BECN2: variants seen among roughly 807,000 people sequenced by gnomAD.
The protein encoded by BECN2 is beclin-2.
For missense variants in BECN2, 428 were observed against 507.9 expected (o/e 0.84, Z 1.51); for synonymous variants, 173 against 220.1 (o/e 0.79, Z 1.90).
rs1378643680 is a variant in BECN2, at chr1:241,958,989, C to A, written c.1223C>A (p.Thr408Lys). 3 of 1,231,718 alleles carry A rather than the reference C, an allele frequency of 2.4e-6. No individual in the cohort carries two copies. The African/African-American group carries it at 4.7e-5, about 19-fold the overall frequency. 76.3% of individuals were successfully genotyped at this position (1,231,718 alleles called of 1,614,324 possible). A position where few individuals can be genotyped will look rare whatever the true frequency, so the allele number is the denominator to read the frequency against. Residue 408 changes from threonine (T) to lysine (K), a missense_variant, in exon 1 of 1, where the codon ACA becomes AAA. Physicochemically the swap from Thr to Lys is moderately conservative, Grantham distance 78. Transcript: ENST00000419583. ...CATCTGAACACGCAGGAGCTGTGGA[C>A]AAAGGCACTCAAGTTCATGCTTATA... is the stretch of plus-strand genomic sequence containing the variant. ...RTHLNTQELW[T>K]KALKFMLINF...
Position 241,958,393 on chromosome 1 carries a change from G to A in BECN2, c.627G>A (p.Arg209=). Residue 209 remains arginine, a synonymous_variant, in exon 1 of 1, where the codon AGG becomes AGA. Coordinates refer to ENST00000419583, the MANE Select transcript of BECN2 (RefSeq NM_001290693.1). ...AEAAELDQQE[R]QHYRDYSALK... ...CTGCGGAGCTGGACCAGCAGGAGAG[G>A]CAGCACTACAGGGACTACAGTGCCT... The A allele has an allele frequency of 8.1e-7, 1 of 1,232,752 alleles. No homozygotes were observed. The highest frequency in any genetic ancestry group is 3.2e-5 in the East Asian group (1 of 31,734). The allele number at this position is 1,232,752 out of a possible 1,614,324, so 76.4% of individuals were successfully genotyped here.
Position 241,958,080 on chromosome 1 carries a change from A to C in BECN2, c.314A>C (p.Asp105Ala). The change falls in exon 1 of 1, where the codon GAC (aspartate) becomes GCC (alanine). Residue 105 changes from aspartate (D) to alanine (A), a missense_variant. Coordinates refer to ENST00000419583, the MANE Select transcript of BECN2 (RefSeq NM_001290693.1). The stretch of plus-strand genomic sequence containing the variant: ...CAGAAGGCAGCTGGTGACATTTTTG[A>C]CATAGTCTCTGGCCAAGCAGTTGTG... The part of the protein sequence containing the change: ...SIQKAAGDIF[D>A]IVSGQAVVDH... 8.1e-7 allele frequency: 1 copy of C among 1,232,006 alleles called. No individual in the cohort carries two copies. The highest frequency in any genetic ancestry group is 1.0e-6 in the Non-Finnish European group (1 of 988,156). 76.3% of individuals were successfully genotyped at this position (1,232,006 alleles called of 1,614,324 possible).
the BECN2 span, chr1:241,958,129 C>A: frequency 2.5e-5 from 31 of 1,232,014 alleles, no homozygotes; most frequent in Middle Eastern, 1.2e-3. Context: ...GTGAAGAATG[C>A]ACCGACAGTC....
At position 241,958,375 on chromosome 1, in the gene BECN2, G is replaced by A. The variant is rs1664463281; in HGVS notation, c.609G>A (p.Glu203=). 1 of 1,232,772 alleles carries A rather than the reference G, an allele frequency of 8.1e-7. No homozygotes were observed. Among genetic ancestry groups the A allele is most frequent in the South Asian group, 4.1e-5 (1 of 24,344 alleles). The allele number at this position is 1,232,772 out of a possible 1,614,324, so 76.4% of individuals were successfully genotyped here. ...DLQAAQAEAA[E]LDQQERQHYR... The stretch of plus-strand genomic sequence containing the variant: ...AGGCAGCCCAGGCAGAGGCTGCGGA[G>A]CTGGACCAGCAGGAGAGGCAGCACT... Residue 203 remains glutamate (E), a synonymous_variant, in exon 1 of 1, where the codon GAG becomes GAA. Transcript: ENST00000419583.
At position 241,958,133 on chromosome 1, in the gene BECN2, G is replaced by C; in HGVS notation, c.367G>C (p.Asp123His). The change falls in exon 1 of 1, where the codon GAC (aspartate) becomes CAC (histidine). Residue 123 changes from aspartate to histidine, a missense_variant. Coordinates refer to ENST00000419583, the MANE Select transcript of BECN2 (RefSeq NM_001290693.1). ...CCATCCCCTGTGTGAAGAATGCACC[G>C]ACAGTCTTTTAGAGCAGCTGGACAT... The part of the protein sequence containing the change: ...VDHPLCEECT[D>H]SLLEQLDIQL... The C allele has an allele frequency of 8.1e-7, 1 of 1,231,960 alleles. No homozygotes were observed. The highest frequency in any genetic ancestry group is 1.0e-6 in the Non-Finnish European group (1 of 988,110). The allele number at this position is 1,231,960 out of a possible 1,614,324, so 76.3% of individuals were successfully genotyped here. A position where few individuals can be genotyped will look rare whatever the true frequency, so the allele number is the denominator to read the frequency against.
In BECN2 at chr1:241,957,983, G is replaced by A; in HGVS notation, c.217G>A (p.Val73Met). 8.1e-7 allele frequency: 1 copy of A among 1,231,844 alleles called. No homozygotes were observed. The highest frequency in any genetic ancestry group is 1.0e-6 in the Non-Finnish European group (1 of 988,046). The allele number at this position is 1,231,844 out of a possible 1,614,324, so 76.3% of individuals were successfully genotyped here. ...CAGATCCCCTCCAGGCGATGGCAGTGTGTCCAAGGGCCATGCCAACATCTT... is the reference window on the plus strand; with the variant it reads ...CAGATCCCCTCCAGGCGATGGCAGTATGTCCAAGGGCCATGCCAACATCTT... ...SSRSPPGDGS[V>M]SKGHANIFTL... is the part of the protein sequence containing the mutation. Residue 73 changes from valine to methionine, a missense_variant, in exon 1 of 1, where the codon GTG becomes ATG. Coordinates refer to ENST00000419583, the MANE Select transcript of BECN2 (RefSeq NM_001290693.1).
Position 241,958,471 on chromosome 1 carries a change from G to T in BECN2, c.705G>T (p.Gln235His), listed in dbSNP as rs1664465256. 1 of 1,231,844 alleles carries T rather than the reference G, an allele frequency of 8.1e-7. No homozygotes were observed. Among genetic ancestry groups the T allele is most frequent in the East Asian group, 3.2e-5 (1 of 31,698 alleles). The allele number at this position is 1,231,844 out of a possible 1,614,324, so 76.3% of individuals were successfully genotyped here. A position where few individuals can be genotyped will look rare whatever the true frequency, so the allele number is the denominator to read the frequency against. ...ATCAGCTGGGGAACGTGGAGAACCA[G>T]CTGCAGTATGCCAGGGTCCAGAGGG... The part of the protein sequence containing the change: ...LLDQLGNVEN[Q>H]LQYARVQRDR... Residue 235 changes from glutamine to histidine, a missense_variant, in exon 1 of 1, where the codon CAG (glutamine) becomes CAT (histidine). Transcript: ENST00000419583.
rs1664463710 is a variant in BECN2 at position 241,958,406 on chromosome 1, G to C, written c.640G>C (p.Asp214His). The change falls in exon 1 of 1, where the codon GAC becomes CAC. Residue 214 changes from aspartate to histidine, a missense_variant. By Grantham distance (81) the Asp-to-His change is moderately conservative. Transcript: ENST00000419583. Reference sequence around the variant, plus strand: ...CCAGCAGGAGAGGCAGCACTACAGGGACTACAGTGCCTTGAAGCGGCAGCA... The same window carrying C: ...CCAGCAGGAGAGGCAGCACTACAGGCACTACAGTGCCTTGAAGCGGCAGCA... ...LDQQERQHYR[D>H]YSALKRQQLE... The C allele has an allele frequency of 8.1e-7, 1 of 1,232,230 alleles. No individual in the cohort carries two copies. Among genetic ancestry groups the C allele is most frequent in the African/African-American group, 1.5e-5 (1 of 64,538 alleles). 76.3% of individuals were successfully genotyped at this position (1,232,230 alleles called of 1,614,324 possible).
In BECN2 at chr1:241,958,318, C is replaced by T. The variant is rs1664462163; in HGVS notation, c.552C>T (p.Asp184=). ...ARLVQELEDV[D]RNNARAAADL... ...TGGTGCAGGAGCTGGAGGATGTGGA[C>T]AGGAACAATGCAAGAGCAGCGGCGG... Residue 184 remains aspartate (D), a synonymous_variant, in exon 1 of 1, where the codon GAC becomes GAT. Transcript: ENST00000419583. 1.4e-5 allele frequency: 17 copies of T among 1,234,190 alleles called. No individual in the cohort carries two copies. Among genetic ancestry groups the T allele is most frequent in the Non-Finnish European group, 1.6e-5 (16 of 990,058 alleles). The allele number at this position is 1,234,190 out of a possible 1,614,324, so 76.5% of individuals were successfully genotyped here. A position where few individuals can be genotyped will look rare whatever the true frequency, so the allele number is the denominator to read the frequency against.
In BECN2 at chr1:241,957,829, G is replaced by A. The variant is rs1664451404; in HGVS notation, c.63G>A (p.Ser21=). ...AGGCCCTGAAGCTGAGCGGCTCCTC[G>A]GAGTCTAGGAGCCTCCCTGCAGCCC... The part of the protein sequence containing the change: ...CHQALKLSGS[S]ESRSLPAAPA... The change falls in exon 1 of 1, where the codon TCG becomes TCA. Residue 21 remains serine, a synonymous_variant. Transcript: ENST00000419583. 3.2e-6 allele frequency: 4 copies of A among 1,231,614 alleles called. No homozygotes were observed. The highest frequency in any genetic ancestry group is 4.1e-5 in the South Asian group (1 of 24,322). The allele number at this position is 1,231,614 out of a possible 1,614,324, so 76.3% of individuals were successfully genotyped here.
rs1261680746 is a variant in BECN2, at chr1:241,958,276, G to C, written c.510G>C (p.Glu170Asp). The C allele has an allele frequency of 1.6e-6, 2 of 1,234,184 alleles. No individual in the cohort carries two copies. The highest frequency in any genetic ancestry group is 2.0e-6 in the Non-Finnish European group (2 of 989,942). 76.5% of individuals were successfully genotyped at this position (1,234,184 alleles called of 1,614,324 possible). ...TGCGGGCGGAGCTGCGGGACCTGGA[G>C]CTGGAGGAGGCCAGGCTGGTGCAGG... ...AALRAELRDL[E>D]LEEARLVQEL... is the part of the protein sequence containing the mutation. Residue 170 changes from glutamate (E) to aspartate (D), a missense_variant, in exon 1 of 1, where the codon GAG (glutamate) becomes GAC (aspartate). By Grantham distance (45) the Glu-to-Asp change is conservative (BLOSUM62 2). Transcript: ENST00000419583.
chr1:241,958,959 G>A lies in BECN2; in HGVS notation c.1193G>A (p.Arg398Lys). ...GGCCGAGGGGAATGCTATTCCATCA[G>A]AACCCATCTGAACACGCAGGAGCTG... ...VGGRGECYSI[R>K]THLNTQELWT... Residue 398 changes from arginine to lysine, a missense_variant, in exon 1 of 1, where the codon AGA becomes AAA. Physicochemically the swap from Arg to Lys is conservative, Grantham distance 26. Coordinates refer to ENST00000419583, the MANE Select transcript of BECN2 (RefSeq NM_001290693.1). The A allele has an allele frequency of 8.1e-7, 1 of 1,231,802 alleles. No individual in the cohort carries two copies. The highest frequency in any genetic ancestry group is 4.2e-5 in the Admixed American group (1 of 23,706). 76.3% of individuals were successfully genotyped at this position (1,231,802 alleles called of 1,614,324 possible). A position where few individuals can be genotyped will look rare whatever the true frequency, so the allele number is the denominator to read the frequency against.
At position 241,958,632 on chromosome 1, in the gene BECN2, G is replaced by T; in HGVS notation, c.866G>T (p.Trp289Leu). Reference sequence around the variant, plus strand: ...GGCTGGAATGAGATTAACACTGCCTGGGGACAGGCGGCCTTGCTGCTCCTT... The same window carrying T: ...GGCTGGAATGAGATTAACACTGCCTTGGGACAGGCGGCCTTGCTGCTCCTT... ...RVGWNEINTA[W>L]GQAALLLLTL... The change falls in exon 1 of 1, where the codon TGG (tryptophan) becomes TTG (leucine). Residue 289 changes from tryptophan to leucine, a missense_variant. Trp to Leu is a moderately conservative substitution (Grantham distance 61, BLOSUM62 -2). Transcript: ENST00000419583. 1 of 1,231,780 alleles carries T rather than the reference G, an allele frequency of 8.1e-7. No homozygotes were observed. Among genetic ancestry groups the T allele is most frequent in the Non-Finnish European group, 1.0e-6 (1 of 988,016 alleles). 76.3% of individuals were successfully genotyped at this position (1,231,780 alleles called of 1,614,324 possible).
Position 241,958,086 on chromosome 1 carries a change from T to A in BECN2, c.320T>A (p.Val107Asp). The A allele has an allele frequency of 8.1e-7, 1 of 1,231,934 alleles. No individual in the cohort carries two copies. The highest frequency in any genetic ancestry group is 1.0e-6 in the Non-Finnish European group (1 of 988,118). 76.3% of individuals were successfully genotyped at this position (1,231,934 alleles called of 1,614,324 possible). The change falls in exon 1 of 1, where the codon GTC (valine) becomes GAC (aspartate). Residue 107 changes from valine to aspartate, a missense_variant. Transcript: ENST00000419583. ...QKAAGDIFDI[V>D]SGQAVVDHPL... Reference sequence around the variant, plus strand: ...GCAGCTGGTGACATTTTTGACATAGTCTCTGGCCAAGCAGTTGTGGACCAT... The same window carrying A: ...GCAGCTGGTGACATTTTTGACATAGACTCTGGCCAAGCAGTTGTGGACCAT...
Position 241,958,995 on chromosome 1 carries a change from C to T in BECN2, c.1229C>T (p.Ala410Val), listed in dbSNP as rs1214746889. 1 of 1,231,620 alleles carries T rather than the reference C, an allele frequency of 8.1e-7. No individual in the cohort carries two copies. Among genetic ancestry groups the T allele is most frequent in the African/African-American group, 1.6e-5 (1 of 64,398 alleles). 76.3% of individuals were successfully genotyped at this position (1,231,620 alleles called of 1,614,324 possible). Residue 410 changes from alanine to valine, a missense_variant, in exon 1 of 1, where the codon GCA (alanine) becomes GTA (valine). Coordinates refer to ENST00000419583, the MANE Select transcript of BECN2 (RefSeq NM_001290693.1). Reference protein sequence around the residue: ...HLNTQELWTKALKFMLINFKW... With the variant: ...HLNTQELWTKVLKFMLINFKW... ...AACACGCAGGAGCTGTGGACAAAGG[C>T]ACTCAAGTTCATGCTTATAAATTTC...
At position 241,958,586 on chromosome 1, in the gene BECN2, C is replaced by T. The variant is rs1664467849; in HGVS notation, c.820C>T (p.Arg274Cys). The T allele has an allele frequency of 8.1e-7, 1 of 1,231,608 alleles. No homozygotes were observed. Among genetic ancestry groups the T allele is most frequent in the South Asian group, 4.1e-5 (1 of 24,310 alleles). The allele number at this position is 1,231,608 out of a possible 1,614,324, so 76.3% of individuals were successfully genotyped here. Residue 274 changes from arginine to cysteine, a missense_variant, in exon 1 of 1, where the codon CGC (arginine) becomes TGC (cysteine). By Grantham distance (180) the Arg-to-Cys change is radical. Coordinates refer to ENST00000419583, the MANE Select transcript of BECN2 (RefSeq NM_001290693.1). ...LGVINNFRLG[R>C]LPTVRVGWNE... ...CGTCATCAATAACTTCAGGTTGGGC[C>T]GCCTCCCCACTGTCCGTGTGGGCTG...
At position 241,958,747 on chromosome 1, in the gene BECN2, C is replaced by A. The variant is rs914268240; in HGVS notation, c.981C>A (p.Asp327Glu). ...NHSYLKSLTDDRTELPLFCYG... is the reference protein window; with the variant it reads ...NHSYLKSLTDERTELPLFCYG... ...CGTATCTGAAGTCTTTAACAGATGA[C>A]CGCACTGAGCTGCCGTTGTTCTGTT... The change falls in exon 1 of 1, where the codon GAC (aspartate) becomes GAA (glutamate). Residue 327 changes from aspartate (D) to glutamate (E), a missense_variant. Physicochemically the swap from Asp to Glu is conservative, Grantham distance 45 (BLOSUM62 2). Coordinates refer to ENST00000419583, the MANE Select transcript of BECN2 (RefSeq NM_001290693.1). 2.4e-6 allele frequency: 3 copies of A among 1,231,682 alleles called. No homozygotes were observed. In the African/African-American group the frequency reaches 4.7e-5, roughly 19 times the overall value. The allele number at this position is 1,231,682 out of a possible 1,614,324, so 76.3% of individuals were successfully genotyped here. A position where few individuals can be genotyped will look rare whatever the true frequency, so the allele number is the denominator to read the frequency against.
At position 241,958,806 on chromosome 1, in the gene BECN2, A is replaced by T; in HGVS notation, c.1040A>T (p.Tyr347Phe). The change falls in exon 1 of 1, where the codon TAT becomes TTT. Residue 347 changes from tyrosine (Y) to phenylalanine (F), a missense_variant. Coordinates refer to ENST00000419583, the MANE Select transcript of BECN2 (RefSeq NM_001290693.1). ...GGQDVFLNNK[Y>F]DRAMVAFLDC... ...CAGGATGTTTTCCTCAATAACAAGT[A>T]TGACCGCGCGATGGTGGCCTTCCTG... 8.1e-7 allele frequency: 1 copy of T among 1,231,858 alleles called. No individual in the cohort carries two copies. Among genetic ancestry groups the T allele is most frequent in the East Asian group, 3.2e-5 (1 of 31,690 alleles). The allele number at this position is 1,231,858 out of a possible 1,614,324, so 76.3% of individuals were successfully genotyped here.
Position 241,958,859 on chromosome 1 carries a change from G to T in BECN2, c.1093G>T (p.Ala365Ser), listed in dbSNP as rs1664472885. ...CTGCATGCAGCAGTTCAAGGAAGAG[G>T]CTGAGAAGGGTGAGCTGGGCCTCTC... ...LDCMQQFKEE[A>S]EKGELGLSLP... is the part of the protein sequence containing the mutation. Residue 365 changes from alanine (A) to serine (S), a missense_variant, in exon 1 of 1, where the codon GCT (alanine) becomes TCT (serine). By Grantham distance (99) the Ala-to-Ser change is moderately conservative (BLOSUM62 1). Transcript: ENST00000419583. 2 of 1,231,872 alleles carry T rather than the reference G, an allele frequency of 1.6e-6. No individual in the cohort carries two copies. The highest frequency in any genetic ancestry group is 2.0e-6 in the Non-Finnish European group (2 of 988,064). The allele number at this position is 1,231,872 out of a possible 1,614,324, so 76.3% of individuals were successfully genotyped here. A position where few individuals can be genotyped will look rare whatever the true frequency, so the allele number is the denominator to read the frequency against.
Sources: allele counts gnomAD v4.1 joint callset, GRCh38; gene constraint gnomAD v4.1.1; transcripts MANE v1.5; gene names NCBI Gene and HGNC (gene_info 2026-07-23, HGNC 2026-07-21).